The following LRFN2 variants were observed in gnomAD, a reference collection of about 807,000 sequenced individuals.
The protein encoded by LRFN2 is leucine rich repeat and fibronectin type III domain containing 2.
LRFN2 carries 18 observed loss-of-function variants against 37.3 expected under a neutral mutation model. That is an observed-to-expected ratio of 0.48 (90% confidence interval 0.33 to 0.72). The LOEUF is 0.72. Ranked by LOEUF, LRFN2 falls within the 30% of genes least tolerant of loss-of-function variation. LRFN2 has a pLI of 0.02. For missense variants in LRFN2, 1,006 were observed against 1,060.7 expected (o/e 0.95, Z 0.72); for synonymous variants, 556 against 466.6 (o/e 1.19, Z -2.47).
rs746354131 is a variant in LRFN2, at chr6:40,391,792, CG to C, written c.*150del. ...TGGTGGGGAGGTGATGTGGGTGTTG[CG>C]GGGTAGGGGGGGACACGAGGCCATT... is the stretch of plus-strand genomic sequence containing the variant. On this transcript the variant is annotated 3_prime_UTR_variant, in exon 3 of 3. Transcript: ENST00000338305. 93 of 711,452 alleles carry C rather than the reference CG, an allele frequency of 1.3e-4. 1 individual carries two copies. The highest frequency in any genetic ancestry group is 5.9e-4 in the South Asian group (19 of 32,186). The allele number at this position is 711,452 out of a possible 1,614,324, so 44.1% of individuals were successfully genotyped here.
At chr6:40,414,398 G>A (rs962599443) in intron 2 of LRFN2, among the ~76,000 whole-genome samples, 12 of 152,154 alleles carry the variant, frequency 7.9e-5, no homozygotes, top group Admixed American at 1.3e-4. Context: ...CCTCCCCGCC[G>A]TAAAATCAAG....
chr6:40,535,857 C>T (rs116174669), intron 1 of LRFN2, among the ~76,000 whole-genome samples: 3,945 of 152,006 alleles, frequency 0.026, 65 homozygotes, highest in Admixed American at 0.046. Flanking sequence ...CTTTGATGTG[C>T]ACAATGCAGA....
In LRFN2 at chr6:40,392,186, C is replaced by T. The variant is rs745343074; in HGVS notation, c.2127G>A (p.Leu709=). ...LGPPAARARS[L]LPLPLEGKAK... is the part of the protein sequence containing the mutation. The stretch of plus-strand genomic sequence containing the variant: ...CCTTGCCCTCCAACGGCAAGGGGAG[C>T]AGGCTCCTGGCCCGGGCCGCAGGGG... Residue 709 remains leucine (L), a synonymous_variant, in exon 3 of 3, where the codon CTG becomes CTA. Coordinates refer to ENST00000338305, the MANE Select transcript of LRFN2 (RefSeq NM_020737.3). This position sits in a 1 kb window ranked among gnomAD's most constrained non-coding sequence, Gnocchi z 4.7. 4 of 1,590,010 alleles carry T rather than the reference C, an allele frequency of 2.5e-6. No individual in the cohort carries two copies. Among genetic ancestry groups the T allele is most frequent in the African/African-American group, 2.7e-5 (2 of 74,474 alleles).
chr6:40,547,534 C>T (rs189711192), intron 1 of LRFN2, among the ~76,000 whole-genome samples: 5 of 152,106 alleles, frequency 3.3e-5, no homozygotes, highest in African/African-American at 1.2e-4. Flanking sequence ...TCCATTTGAC[C>T]CTCCAGGTCC....
At position 40,401,819 on chromosome 6, in the gene LRFN2, G is replaced by A. The variant is rs115768882; in HGVS notation, c.1401-8907C>T. On this transcript the variant is annotated intron_variant, in intron 2 of 2. Transcript: ENST00000338305. The stretch of plus-strand genomic sequence containing the variant: ...CTCCCCTCTGCCCCACTAGCACCAC[G>A]CCTTTCTAGGTGCTCTGTCCTCTCC... 3.3e-3 allele frequency among the ~76,000 whole-genome samples: 495 copies of A among 152,114 alleles called. 3 individuals are homozygous for A. Among genetic ancestry groups the A allele is most frequent in the African/African-American group, 0.011 (464 of 41,506 alleles).
At chr6:40,535,939 C>T (rs1766440178) in intron 1 of LRFN2, among the ~76,000 whole-genome samples, 1 of 152,084 alleles carries the variant, frequency 6.6e-6, no homozygotes, top group South Asian at 2.1e-4. Flanking sequence ...GGTATTGCAG[C>T]TGGCTCAGCG....
chr6:40,549,029 T>C (rs1005521688), intron 1 of LRFN2, among the ~76,000 whole-genome samples: 2 of 152,184 alleles, frequency 1.3e-5, no homozygotes, highest in Admixed American at 6.5e-5. Context: ...GGTAACAGAA[T>C]TGGGATGCGG....
At position 40,392,825 on chromosome 6, in the gene LRFN2, A is replaced by T. The variant is rs756307733; in HGVS notation, c.1488T>A (p.Asp496Glu). ...GYDLCVLAMW[D>E]DTATTLTATN... ...TGGCCGTGAGTGTCGTGGCTGTGTC[A>T]TCCCACATGGCCAGCACACACAAGT... Residue 496 changes from aspartate to glutamate, a missense_variant, in exon 3 of 3, where the codon GAT (aspartate) becomes GAA (glutamate). This residue lies in a region of LRFN2 where 120 missense variants were observed against 178.4 expected (regional missense o/e 0.67). Transcript: ENST00000338305. This position sits in a 1 kb window ranked among gnomAD's most constrained non-coding sequence, Gnocchi z 4.7. 1 of 1,613,966 alleles carries T rather than the reference A, an allele frequency of 6.2e-7. No individual in the cohort carries two copies. The highest frequency in any genetic ancestry group is 8.5e-7 in the Non-Finnish European group (1 of 1,180,008).
intron 1 of LRFN2, among the ~76,000 whole-genome samples, chr6:40,552,720 AT>A (rs1331589210): frequency 1.3e-5 from 2 of 152,204 alleles, no homozygotes; most frequent in Non-Finnish European, 2.9e-5. Context: ...TCATTAAAAG[AT>A]TTTTAGAAAA....
At chr6:40,456,317 A>G (rs547765276) in intron 1 of LRFN2, among the ~76,000 whole-genome samples, 14 of 152,348 alleles carry the variant, frequency 9.2e-5, no homozygotes, top group African/African-American at 3.4e-4. Flanking sequence ...TTCATTTCAG[A>G]CTGAAAGAAG....
intron 2 of LRFN2, among the ~76,000 whole-genome samples, chr6:40,404,011 C>T (rs1229352423): frequency 6.6e-6 from 1 of 152,190 alleles, no homozygotes; most frequent in Admixed American, 6.5e-5. Context: ...GTTCCCTCTG[C>T]CTGGATGCTC....
chr6:40,428,888 AC>A (rs755684551), intron 2 of LRFN2, among the ~76,000 whole-genome samples: 4 of 152,078 alleles, frequency 2.6e-5, no homozygotes, highest in Non-Finnish European at 5.9e-5. Flanking sequence ...GTATATCTAA[AC>A]TTCCTCTTCC....
intron 1 of LRFN2, among the ~76,000 whole-genome samples, chr6:40,433,564 C>A (rs749831382): frequency 1.3e-5 from 2 of 152,154 alleles, no homozygotes; most frequent in Non-Finnish European, 2.9e-5. Flanking sequence ...GATACCATAT[C>A]ATTGGCTTAT....
At chr6:40,529,489 A>G (rs1025136203) in intron 1 of LRFN2, among the ~76,000 whole-genome samples, 1 of 152,244 alleles carries the variant, frequency 6.6e-6, no homozygotes, top group Non-Finnish European at 1.5e-5. Flanking sequence ...ACTCATCTTA[A>G]TATTTGCTTA....
intron 2 of LRFN2, among the ~76,000 whole-genome samples, chr6:40,399,499 G>A (rs1331476136): frequency 7.0e-5 from 10 of 143,344 alleles, no homozygotes; most frequent in African/African-American, 1.3e-4. Flanking sequence ...ACAGTGGTGC[G>A]ATCTCTCGGC....
chr6:40,532,348 G>A (rs1452375139), intron 1 of LRFN2, among the ~76,000 whole-genome samples: 1 of 152,174 alleles, frequency 6.6e-6, no homozygotes, highest in Non-Finnish European at 1.5e-5. Context: ...GTAATCACAT[G>A]CCCCCTAATA....
At chr6:40,484,132 C>T (rs1764897332) in intron 1 of LRFN2, among the ~76,000 whole-genome samples, 1 of 152,188 alleles carries the variant, frequency 6.6e-6, no homozygotes, top group Non-Finnish European at 1.5e-5. Flanking sequence ...GTCACCTCTG[C>T]TTAGCAGTGA....
intron 1 of LRFN2, among the ~76,000 whole-genome samples, chr6:40,463,235 A>G (rs1244160690): frequency 6.6e-6 from 1 of 152,130 alleles, no homozygotes; most frequent in Non-Finnish European, 1.5e-5. Context: ...TCAAAGTCAT[A>G]CTTTGTCCTA....
At position 40,559,641 on chromosome 6, in the gene LRFN2, C is replaced by T. The variant is rs1208250506; in HGVS notation, c.-19+27300G>A. On this transcript the variant is annotated intron_variant, in intron 1 of 2. Transcript: ENST00000338305. ...TTTTGACACTGAGAAATTGTCCAGCCTCTGAGACTGGCTAGGACCAGAGTC... is the reference window on the plus strand; with the variant it reads ...TTTTGACACTGAGAAATTGTCCAGCTTCTGAGACTGGCTAGGACCAGAGTC... 4.6e-5 allele frequency among the ~76,000 whole-genome samples: 7 copies of T among 152,088 alleles called. No individual in the cohort carries two copies. The East Asian group carries it at 1.4e-3, about 29-fold the overall frequency.
Sources: allele counts gnomAD v4.1 joint callset (sites outside exome capture counted in the v4.1 genomes callset), GRCh38; gene constraint gnomAD v4.1.1; regional missense constraint gnomAD v4.1.1; non-coding constraint Gnocchi (gnomAD v3.1); transcripts MANE v1.5; gene names NCBI Gene and HGNC (gene_info 2026-07-23, HGNC 2026-07-21).